Variants in PHLDB2 observed in about 807,000 individuals in gnomAD.
PHLDB2 encodes the protein pleckstrin homology-like domain family B member 2.
Under a neutral mutation model 123.6 loss-of-function variants are expected in PHLDB2, and 71 were observed. The ratio of observed to expected loss-of-function variants is 0.57; its 90% CI spans 0.47 to 0.70. The LOEUF (loss-of-function observed/expected upper bound fraction) is 0.70. Among genes scored for constraint, PHLDB2 ranks in the 30% least tolerant of loss-of-function variants. The probability of loss-of-function intolerance (pLI) is 0.00; values close to 1 mark genes in which losing one functional copy is unlikely to be tolerated. For missense variants in PHLDB2, 1,446 were observed against 1,519.5 expected, an observed-to-expected ratio of 0.95 and a Z score of 0.80; for synonymous variants, 547 against 541.6, an observed-to-expected ratio of 1.01 and a Z score of -0.14.
chr3:111,863,241 C>T (rs1180360929), intron 1 of PHLDB2, among the ~76,000 whole-genome samples: 1 of 152,182 alleles, frequency 6.6e-6, no homozygotes, highest in East Asian at 1.9e-4. Context: ...GATGGTTCCA[C>T]AGACATAGCA....
At chr3:111,903,463 G>A (rs1559895057) in intron 2 of PHLDB2, among the ~76,000 whole-genome samples, 1 of 152,168 alleles carries the variant, frequency 6.6e-6, no homozygotes, top group Non-Finnish European at 1.5e-5. Context: ...CACAGGGCAG[G>A]GAGTTGGTGG....
In PHLDB2 at chr3:111,868,187, T is replaced by C. The variant is rs779386951; in HGVS notation, c.-15+8611T>C. On this transcript the variant is annotated intron_variant, in intron 1 of 17. Transcript: ENST00000431670. Reference sequence around the variant, plus strand: ...GGCATGCACCACCATGCCTGGCTAATTTTTTAAATTTCTGTAGAGATGGGG... The same window carrying C: ...GGCATGCACCACCATGCCTGGCTAACTTTTTAAATTTCTGTAGAGATGGGG... 5.3e-5 allele frequency among the ~76,000 whole-genome samples: 8 copies of C among 152,024 alleles called. 1 individual carries two copies. Among genetic ancestry groups the C allele is most frequent in the Non-Finnish European group, 8.8e-5 (6 of 68,006 alleles).
intron 2 of PHLDB2, among the ~76,000 whole-genome samples, chr3:111,853,864 C>T (rs999960514): frequency 2.1e-5 from 2 of 97,296 alleles, no homozygotes; most frequent in Non-Finnish European, 4.5e-5. Flanking sequence ...AAGAGCAAGA[C>T]TCCATCTCCA....
chr3:111,836,144 C>T (rs1301345972), intron 1 of PHLDB2, among the ~76,000 whole-genome samples: 1 of 152,122 alleles, frequency 6.6e-6, no homozygotes, highest in East Asian at 1.9e-4. Context: ...GACTTAAGAA[C>T]AACTTACAGA....
intron 10 of PHLDB2, among the ~76,000 whole-genome samples, chr3:111,950,629 TC>T (rs1350247752): frequency 1.2e-4 from 18 of 152,226 alleles, no homozygotes; most frequent in African/African-American, 4.1e-4. Context: ...TTTTGAGACT[TC>T]CTTTCGATTA....
At chr3:111,936,144 A>G (rs1262484449) in intron 6 of PHLDB2, among the ~76,000 whole-genome samples, 2 of 152,200 alleles carry the variant, frequency 1.3e-5, no homozygotes, top group Admixed American at 6.5e-5. Context: ...AAGAAAACAT[A>G]AAGAACTGCA....
rs1304499186 is a variant in PHLDB2, at chr3:111,785,616, A to G, written c.-49+52913A>G. On this transcript the variant is annotated intron_variant, in intron 1 of 17. Transcript: ENST00000393923. ...AGGATTCTTCCCCTCCCACCCAAAA[A>G]TACCTAGTGTTTTTAACTAATCTTA... Among the ~76,000 whole-genome samples, 3 of 152,302 alleles carry G rather than the reference A, an allele frequency of 2.0e-5. No homozygotes were observed. In the East Asian group the frequency reaches 5.8e-4, roughly 29 times the overall value.
intron 2 of PHLDB2, among the ~76,000 whole-genome samples, chr3:111,886,867 T>A (rs1192951591): frequency 6.6e-6 from 1 of 152,186 alleles, no homozygotes; most frequent in Non-Finnish European, 1.5e-5. Context: ...TTGACAGAAA[T>A]TCAGAAGATG....
At chr3:111,962,005 T>G in intron 12 of PHLDB2, 103 bp from the exon 13 acceptor site, 2 of 1,097,786 alleles carry the variant, frequency 1.8e-6, no homozygotes, top group Non-Finnish European at 2.7e-6. Context: ...AGGCCCAAGC[T>G]TCATAGGCAG....
intron 1 of PHLDB2, among the ~76,000 whole-genome samples, chr3:111,792,561 G>A (rs1008426885): frequency 4.6e-5 from 7 of 151,986 alleles, no homozygotes; most frequent in Non-Finnish European, 7.4e-5. Flanking sequence ...TTTAAAATTC[G>A]CCAAGTGTAG....
chr3:111,904,238 A>C (rs931304406), intron 2 of PHLDB2, among the ~76,000 whole-genome samples: 1 of 133,322 alleles, frequency 7.5e-6, no homozygotes, highest in Admixed American at 9.0e-5. Context: ...AGATTGCAAC[A>C]CTGCACTATA....
chr3:111,808,096 G>A (rs2108313451), intron 1 of PHLDB2, among the ~76,000 whole-genome samples: 1 of 152,164 alleles, frequency 6.6e-6, no homozygotes, highest in South Asian at 2.1e-4. Flanking sequence ...GAAAGGGGCT[G>A]GGGCATTGGT....
At chr3:111,926,600 T>C (rs936025789) in intron 5 of PHLDB2, among the ~76,000 whole-genome samples, 14 of 152,154 alleles carry the variant, frequency 9.2e-5, no homozygotes, top group Non-Finnish European at 1.6e-4. Context: ...GTTTTTTTTT[T>C]TTCTATGCTA....
chr3:111,962,253 C>G lies in PHLDB2; in HGVS notation c.3018C>G (p.Leu1006=), dbSNP rs771466730. ...ACCAGGCCTTTGATACTCTGAGCCT[C>G]GATAGCTCTGATAGCATGGAGACCA... The part of the protein sequence containing the change: ...YKDQAFDTLS[L]DSSDSMETSI... The change falls in exon 13 of 18, where the codon CTC becomes CTG. Residue 1006 remains leucine, a synonymous_variant. Transcript: ENST00000431670. 13 of 1,579,538 alleles carry G rather than the reference C, an allele frequency of 8.2e-6. No individual in the cohort carries two copies. The highest frequency in any genetic ancestry group is 1.7e-4 in the Middle Eastern group (1 of 5,970).
intron 4 of PHLDB2, among the ~76,000 whole-genome samples, chr3:111,919,933 C>T (rs1281164206): frequency 3.0e-5 from 1 of 32,990 alleles, no homozygotes; most frequent in Non-Finnish European, 6.2e-5. Flanking sequence ...TCTTCCCATG[C>T]TCTAGGGACA....
In PHLDB2 at chr3:111,932,290, G is replaced by A; in HGVS notation, c.2023G>A (p.Glu675Lys). 6.4e-7 allele frequency: 1 copy of A among 1,551,374 alleles called. No homozygotes were observed. Among genetic ancestry groups the A allele is most frequent in the Non-Finnish European group, 8.7e-7 (1 of 1,146,696 alleles). The change falls in exon 6 of 18, where the codon GAA becomes AAA. Residue 675 changes from glutamate to lysine, a missense_variant. Coordinates refer to ENST00000431670, the MANE Select transcript of PHLDB2 (RefSeq NM_001134438.2). ...KTKEKVKLDA[E>K]REKLERLQEL... Reference sequence around the variant, plus strand: ...TCAGGAGAAGGTAAAGCTTGATGCTGAAAGGGAAAAACTAGAGAGGCTTCA... The same window carrying A: ...TCAGGAGAAGGTAAAGCTTGATGCTAAAAGGGAAAAACTAGAGAGGCTTCA...
At chr3:111,763,662 G>A (rs74445132) in intron 1 of PHLDB2, among the ~76,000 whole-genome samples, 7,673 of 152,096 alleles carry the variant, frequency 0.05, 655 homozygotes, top group African/African-American at 0.17. Flanking sequence ...TGAGATCCTA[G>A]GTGATGGTAT....
intron 1 of PHLDB2, among the ~76,000 whole-genome samples, chr3:111,824,607 G>T (rs1001388723): frequency 6.6e-6 from 1 of 152,194 alleles, no homozygotes; most frequent in Non-Finnish European, 1.5e-5. Flanking sequence ...AAAGCATGTA[G>T]CCCTGATTGC....
chr3:111,791,549 C>T (rs1169576256), intron 1 of PHLDB2, among the ~76,000 whole-genome samples: 12 of 152,310 alleles, frequency 7.9e-5, no homozygotes, highest in East Asian at 5.8e-4. Context: ...GTTGTACCAA[C>T]TCAATCTCCC....
Sources: allele counts gnomAD v4.1 joint callset (sites outside exome capture counted in the v4.1 genomes callset), GRCh38; gene constraint gnomAD v4.1.1; transcripts MANE v1.5; gene names NCBI Gene and HGNC (gene_info 2026-07-23, HGNC 2026-07-21).